Variants in NKD1 observed in about 807,000 individuals in gnomAD.
NKD1 encodes NKD inhibitor of Wnt signaling pathway 1.
NKD1 carries 21 observed loss-of-function variants against 56.0 expected under a neutral mutation model. The observed-to-expected ratio is 0.38, with a 90% confidence interval of 0.27 to 0.54. The LOEUF (loss-of-function observed/expected upper bound fraction) is 0.54. Ranked by LOEUF, NKD1 falls within the 20% of genes least tolerant of loss-of-function variation. The pLI, the probability that NKD1 is intolerant of heterozygous loss-of-function variation, is 0.82. For missense variants in NKD1, 578 were observed against 642.7 expected, an observed-to-expected ratio of 0.90 and a Z score of 1.09; for synonymous variants, 263 against 265.7, an observed-to-expected ratio of 0.99 and a Z score of 0.10.
At chr16:50,621,013 G>A (rs1475906649) in intron 4 of NKD1, among the ~76,000 whole-genome samples, 2 of 152,320 alleles carry the variant, frequency 1.3e-5, no homozygotes, top group African/African-American at 2.4e-5. Flanking sequence ...TGATGCATGA[G>A]TGTACATATG....
rs542411178 is a variant in NKD1, at chr16:50,561,161, A to AG, written c.192+11613dup. 2.1e-4 allele frequency among the ~76,000 whole-genome samples: 32 copies of AG among 152,128 alleles called. No homozygotes were observed. In the South Asian group the frequency reaches 4.2e-3, roughly 20 times the overall value. On this transcript the variant is annotated intron_variant, in intron 3 of 9. Coordinates refer to ENST00000268459, the MANE Select transcript of NKD1 (RefSeq NM_033119.5). ...ATGAAGAGGATGAGCAGTCCCATGG[A>AG]GGGGGGGCCCATGGCTTCTCCCCTG...
chr16:50,604,694 T>C (rs1289935950), intron 3 of NKD1, among the ~76,000 whole-genome samples: 1 of 152,250 alleles, frequency 6.6e-6, no homozygotes, highest in Non-Finnish European at 1.5e-5. Flanking sequence ...AACCAAGGTC[T>C]GACCCCTCCA....
At chr16:50,562,283 A>G (rs1960650850) in intron 3 of NKD1, 1 of 982,670 alleles carries the variant, frequency 1.0e-6, no homozygotes, top group Non-Finnish European at 1.2e-6. Context: ...ACAGTGTGAA[A>G]AAGTCTATTC....
rs1021548603 is a variant in NKD1 at position 50,634,044 on chromosome 16, C to T, written c.*263C>T. The T allele has an allele frequency of 3.3e-5, 11 of 333,056 alleles. No homozygotes were observed. The highest frequency in any genetic ancestry group is 2.9e-4 in the East Asian group (6 of 20,568). The allele number at this position is 333,056 out of a possible 1,614,324, so 20.6% of individuals were successfully genotyped here. A position where few individuals can be genotyped will look rare whatever the true frequency, so the allele number is the denominator to read the frequency against. The stretch of plus-strand genomic sequence containing the variant: ...GGCCTGTAATGGGCAGAGGCTCCCT[C>T]GGGGCTCGGGATCTGCAGCATCTAT... On this transcript the variant is annotated 3_prime_UTR_variant, in exon 10 of 10. Coordinates refer to ENST00000268459, the MANE Select transcript of NKD1 (RefSeq NM_033119.5).
At chr16:50,588,324 C>A (rs1961273481) in intron 3 of NKD1, among the ~76,000 whole-genome samples, 1 of 152,200 alleles carries the variant, frequency 6.6e-6, no homozygotes, top group African/African-American at 2.4e-5. Context: ...GGTCACATAC[C>A]CTAACAGCAG....
chr16:50,617,906 T>C (rs1315268813), intron 4 of NKD1, among the ~76,000 whole-genome samples: 1 of 152,194 alleles, frequency 6.6e-6, no homozygotes, highest in African/African-American at 2.4e-5. Flanking sequence ...ATCCACAGAC[T>C]TTTTCATGAA....
rs541331690 is a variant in NKD1, at chr16:50,633,229, C to T, written c.861C>T (p.Pro287=). The change falls in exon 10 of 10, where the codon CCC becomes CCT. Residue 287 remains proline (P), a synonymous_variant. Transcript: ENST00000268459. This position sits in a 1 kb window ranked among gnomAD's most constrained non-coding sequence, Gnocchi z 4.9. ...TGGCCCAGAAGTCAGAACTGCCCCC[C>T]CGCACCTCCAATCCCACTCGATCTC... ...PSVAQKSELP[P]RTSNPTRSRS... The T allele has an allele frequency of 6.2e-7, 1 of 1,612,600 alleles. No individual in the cohort carries two copies. Among genetic ancestry groups the T allele is most frequent in the African/African-American group, 1.3e-5 (1 of 75,006 alleles).
At chr16:50,616,324 T>C (rs1477227236) in intron 4 of NKD1, among the ~76,000 whole-genome samples, 1 of 152,232 alleles carries the variant, frequency 6.6e-6, no homozygotes, top group Non-Finnish European at 1.5e-5. Flanking sequence ...TAGTCATAAC[T>C]GTGTTTCAAA....
Position 50,623,536 on chromosome 16 carries a change from G to A in NKD1, c.366+1828G>A, listed in dbSNP as rs1014233188. Among the ~76,000 whole-genome samples the A allele has an allele frequency of 1.2e-4, 19 of 152,108 alleles. No individual in the cohort carries two copies. The highest frequency in any genetic ancestry group is 2.6e-4 in the Non-Finnish European group (18 of 68,012). ...CCTGCCTCCCTGGAAGCCCAAGTGC[G>A]CTTGCTTCTGGAGGGGCAGACTTGG... On this transcript the variant is annotated intron_variant, in intron 5 of 9. Coordinates refer to ENST00000268459, the MANE Select transcript of NKD1 (RefSeq NM_033119.5). The surrounding 1 kb of genome is among the most constrained non-coding windows in gnomAD (Gnocchi z 4.1).
At position 50,572,516 on chromosome 16, in the gene NKD1, A is replaced by C. The variant is rs747279440; in HGVS notation, c.192+22961A>C. ...CATCTTGGATTTTTTTGGGGAATGAACCCCGTGTGTTACGTGGGCCTGGCT... is the reference window on the plus strand; with the variant it reads ...CATCTTGGATTTTTTTGGGGAATGACCCCCGTGTGTTACGTGGGCCTGGCT... On this transcript the variant is annotated intron_variant, in intron 3 of 9. Transcript: ENST00000268459. Among the ~76,000 whole-genome samples the C allele has an allele frequency of 1.9e-4, 29 of 151,794 alleles. No individual in the cohort carries two copies. In the Middle Eastern group the frequency reaches 0.01, roughly 53 times the overall value.
chr16:50,580,227 T>C (rs1961088292), intron 3 of NKD1, among the ~76,000 whole-genome samples: 1 of 152,268 alleles, frequency 6.6e-6, no homozygotes, highest in Non-Finnish European at 1.5e-5. Context: ...GAAAAGGACC[T>C]TAGGGAGTGT....
chr16:50,630,971 G>A, intron 8 of NKD1, 61 bp downstream of exon 8: 2 of 1,365,002 alleles, frequency 1.5e-6, no homozygotes, highest in South Asian at 2.6e-5. Flanking sequence ...TGCTTCTGAA[G>A]GATTCAGAGC....
intron 3 of NKD1, chr16:50,556,735 T>G (rs913347089): frequency 1.3e-5 from 2 of 151,004 alleles, no homozygotes; most frequent in African/African-American, 4.9e-5. Context: ...AGGGTTTTTT[T>G]TTTTTTTTTT....
At chr16:50,563,476 C>T (rs1381203332) in intron 3 of NKD1, among the ~76,000 whole-genome samples, 1 of 150,046 alleles carries the variant, frequency 6.7e-6, no homozygotes, top group Non-Finnish European at 1.5e-5. Flanking sequence ...CCTCAGTGGG[C>T]GCAGCCCTGG....
chr16:50,639,734 G>C lies in NKD1; in HGVS notation c.*5953G>C, dbSNP rs562385058. 6.6e-6 allele frequency: 1 copy of C among 152,230 alleles called. No homozygotes were observed. The highest frequency in any genetic ancestry group is 2.4e-5 in the African/African-American group (1 of 41,440). 9.4% of individuals were successfully genotyped at this position (152,230 alleles called of 1,614,324 possible). A position where few individuals can be genotyped will look rare whatever the true frequency, so the allele number is the denominator to read the frequency against. On this transcript the variant is annotated 3_prime_UTR_variant, in exon 10 of 10. Transcript: ENST00000268459. ...CCCTCATCCTAAAATTACAGATGGC[G>C]AAAGATGGCCACATTTAGTGAGACC...
Position 50,625,496 on chromosome 16 carries a change from C to G in NKD1, c.378C>G (p.Cys126Trp). The change falls in exon 6 of 10, where the codon TGC (cysteine) becomes TGG (tryptophan). Residue 126 changes from cysteine to tryptophan, a missense_variant. Physicochemically the swap from Cys to Trp is radical, Grantham distance 215. Coordinates refer to ENST00000268459, the MANE Select transcript of NKD1 (RefSeq NM_033119.5). Reference sequence around the variant, plus strand: ...CTCTCTGCATCCAGGAGCTCCAGTGCGACGTGTCCATGGAGGAGGACAGCC... The same window carrying G: ...CTCTCTGCATCCAGGAGCTCCAGTGGGACGTGTCCATGGAGGAGGACAGCC... ...KKQLKFEELQ[C>W]DVSMEEDSRQ... 1 of 1,611,364 alleles carries G rather than the reference C, an allele frequency of 6.2e-7. No individual in the cohort carries two copies. Among genetic ancestry groups the G allele is most frequent in the Non-Finnish European group, 8.5e-7 (1 of 1,177,742 alleles).
intron 3 of NKD1, among the ~76,000 whole-genome samples, chr16:50,561,528 G>A (rs1444930707): frequency 1.3e-5 from 2 of 152,164 alleles, no homozygotes; most frequent in South Asian, 2.1e-4. Flanking sequence ...GGCTCTAACA[G>A]CAAGGGTCTG....
At chr16:50,618,092 C>T (rs1962002479) in intron 4 of NKD1, among the ~76,000 whole-genome samples, 2 of 152,258 alleles carry the variant, frequency 1.3e-5, no homozygotes, top group Non-Finnish European at 2.9e-5. Flanking sequence ...TAGTTTGCCA[C>T]CTCCTGCTCT....
At chr16:50,561,356 C>T (rs1048785318) in intron 3 of NKD1, among the ~76,000 whole-genome samples, 2 of 149,082 alleles carry the variant, frequency 1.3e-5, no homozygotes, top group African/African-American at 5.0e-5. Flanking sequence ...CTCAAAAATG[C>T]ATTAAAGGAA....
Sources: gnomAD v4.1 joint callset for allele counts (sites outside exome capture counted in the v4.1 genomes callset) on GRCh38, gnomAD v4.1.1 for gene constraint, Gnocchi (gnomAD v3.1) non-coding constraint, MANE v1.5 for transcripts, NCBI Gene and HGNC (gene_info 2026-07-23, HGNC 2026-07-21) for gene names.